The following CCDC60 variants were observed in gnomAD, a reference collection of about 807,000 sequenced individuals.
CCDC60 encodes coiled-coil domain-containing protein 60.
CCDC60 carries 54 observed loss-of-function variants against 63.5 expected under a neutral mutation model. That is an observed-to-expected ratio of 0.85 (90% CI 0.68 to 1.07). CCDC60 has a LOEUF of 1.07. CCDC60 is among the 50% of genes least tolerant of loss of function. The probability of loss-of-function intolerance (pLI) is 0.00; values close to 1 mark genes in which losing one functional copy is unlikely to be tolerated. For synonymous variants in CCDC60, 206 were observed against 238.8 expected (o/e 0.86, Z 1.27); for missense variants, 651 against 684.3 (o/e 0.95, Z 0.54).
chr12:119,361,917 G>A (rs1334835276), intron 1 of CCDC60, among the ~76,000 whole-genome samples: 1 of 152,180 alleles, frequency 6.6e-6, no homozygotes, highest in Non-Finnish European at 1.5e-5. Context: ...GTTTAATGAG[G>A]GGAGTGATCA....
intron 4 of CCDC60, among the ~76,000 whole-genome samples, chr12:119,483,343 G>A (rs1172680589): frequency 6.6e-6 from 1 of 152,252 alleles, no homozygotes; most frequent in Non-Finnish European, 1.5e-5. Flanking sequence ...CAGTCCCTGT[G>A]TGATCGATCC....
intron 2 of CCDC60, among the ~76,000 whole-genome samples, chr12:119,458,230 A>G (rs1459607923): frequency 2.6e-5 from 4 of 152,230 alleles, no homozygotes; most frequent in South Asian, 2.1e-4. Flanking sequence ...AAAATTTCCC[A>G]TGTAGGCAAT....
intron 1 of CCDC60, among the ~76,000 whole-genome samples, chr12:119,353,843 C>T (rs182305942): frequency 5.3e-4 from 81 of 152,150 alleles, no homozygotes; most frequent in Middle Eastern, 3.4e-3. Flanking sequence ...TATGCCAAGG[C>T]GAGTGGATCG....
intron 1 of CCDC60, among the ~76,000 whole-genome samples, chr12:119,379,221 A>G (rs1039735848): frequency 6.6e-6 from 1 of 152,276 alleles, no homozygotes; most frequent in Non-Finnish European, 1.5e-5. Flanking sequence ...AACCGTGTAT[A>G]AAATCACCCC....
At chr12:119,405,240 G>A (rs185938285) in intron 1 of CCDC60, among the ~76,000 whole-genome samples, 2 of 152,318 alleles carry the variant, frequency 1.3e-5, no homozygotes, top group East Asian at 1.9e-4. Context: ...GTTTCTCAGC[G>A]ACTTGATCCT....
At chr12:119,421,658 G>A (rs1956815361) in intron 1 of CCDC60, among the ~76,000 whole-genome samples, 1 of 152,162 alleles carries the variant, frequency 6.6e-6, no homozygotes, top group Non-Finnish European at 1.5e-5. Flanking sequence ...GATGGGGATT[G>A]GCATTAGTTC....
At position 119,528,650 on chromosome 12, in the gene CCDC60, C is replaced by A; in HGVS notation, c.1265C>A (p.Ala422Asp). Residue 422 changes from alanine to aspartate, a missense_variant, in exon 12 of 14, where the codon GCT (alanine) becomes GAT (aspartate). Coordinates refer to ENST00000327554, the MANE Select transcript of CCDC60 (RefSeq NM_178499.5). Reference protein sequence around the residue: ...QEERGIQKFRAFVLVSNFQKD... With the variant: ...QEERGIQKFRDFVLVSNFQKD... ...GAGAGAGGTATCCAGAAGTTCCGTG[C>A]TTTTGTCCTTGTCTCAAATTTTCAA... 6.2e-7 allele frequency: 1 copy of A among 1,613,978 alleles called. No individual in the cohort carries two copies. Among genetic ancestry groups the A allele is most frequent in the Non-Finnish European group, 8.5e-7 (1 of 1,179,912 alleles).
intron 1 of CCDC60, among the ~76,000 whole-genome samples, chr12:119,342,120 G>A (rs1041137821): frequency 1.3e-4 from 20 of 152,164 alleles, no homozygotes; most frequent in Admixed American, 2.6e-4. Context: ...GCATTGGCTC[G>A]AGAGCTCACT....
At chr12:119,386,043 T>A (rs1454072260) in intron 1 of CCDC60, among the ~76,000 whole-genome samples, 3 of 152,230 alleles carry the variant, frequency 2.0e-5, no homozygotes, top group Non-Finnish European at 4.4e-5. Flanking sequence ...CCTAGAAGAA[T>A]TTCCAGCACA....
At chr12:119,353,120 C>T (rs1017346998) in intron 1 of CCDC60, among the ~76,000 whole-genome samples, 1 of 151,652 alleles carries the variant, frequency 6.6e-6, no homozygotes, top group African/African-American at 2.4e-5. Context: ...GCAGCTGTCT[C>T]AGGGTCACTC....
chr12:119,408,663 A>G (rs2136192462), intron 1 of CCDC60, among the ~76,000 whole-genome samples: 1 of 152,218 alleles, frequency 6.6e-6, no homozygotes, highest in Admixed American at 6.5e-5. Flanking sequence ...CTCTACTAAA[A>G]AAAATACAAA....
chr12:119,417,689 T>C (rs1201490844), intron 1 of CCDC60, among the ~76,000 whole-genome samples: 1 of 152,172 alleles, frequency 6.6e-6, no homozygotes, highest in Non-Finnish European at 1.5e-5. Context: ...GAAGAGGTAC[T>C]GACATAGCCA....
chr12:119,365,869 A>G (rs1955835404), intron 1 of CCDC60, among the ~76,000 whole-genome samples: 1 of 152,232 alleles, frequency 6.6e-6, no homozygotes, highest in Admixed American at 6.5e-5. Context: ...TATGGAGATC[A>G]GGACAGTTTC....
chr12:119,443,451 A>G (rs1455842627), intron 2 of CCDC60, among the ~76,000 whole-genome samples: 1 of 152,232 alleles, frequency 6.6e-6, no homozygotes, highest in East Asian at 1.9e-4. Flanking sequence ...GAACACCTGT[A>G]TAGTTCTCAG....
chr12:119,474,165 C>T (rs900022007), intron 3 of CCDC60, among the ~76,000 whole-genome samples: 9 of 152,148 alleles, frequency 5.9e-5, no homozygotes, highest in African/African-American at 1.4e-4. Flanking sequence ...CTGCAAAGAA[C>T]GGCCATAATA....
chr12:119,392,844 G>A lies in CCDC60; in HGVS notation c.91-35839G>A, dbSNP rs1046699897. Among the ~76,000 whole-genome samples, 6 of 152,124 alleles carry A rather than the reference G, an allele frequency of 3.9e-5. No homozygotes were observed. The South Asian group carries it at 1.2e-3, about 32-fold the overall frequency. On this transcript the variant is annotated intron_variant, in intron 1 of 13. Coordinates refer to ENST00000327554, the MANE Select transcript of CCDC60 (RefSeq NM_178499.5). ...TCCTGACCCTGGGTCTCGTGTTTGT[G>A]AGGTGCAAGTACTATATAACAGTTT...
intron 2 of CCDC60, chr12:119,433,420 A>G (rs1445643744): frequency 5.7e-6 from 4 of 702,178 alleles, no homozygotes; most frequent in Non-Finnish European, 1.0e-5. Context: ...GAGAATGGGG[A>G]AAAGGCCAAA....
At chr12:119,335,507 G>T (rs2136136587) in intron 1 of CCDC60, among the ~76,000 whole-genome samples, 1 of 150,554 alleles carries the variant, frequency 6.6e-6, no homozygotes, top group Non-Finnish European at 1.5e-5. Context: ...GGTGTGAGAT[G>T]GTATCTCATT....
At chr12:119,395,659 T>G (rs976784490) in intron 1 of CCDC60, among the ~76,000 whole-genome samples, 2 of 152,192 alleles carry the variant, frequency 1.3e-5, no homozygotes, top group Non-Finnish European at 2.9e-5. Flanking sequence ...TGAGTTTCAC[T>G]CTATAGAAAG....
Sources: gnomAD v4.1 joint callset for allele counts (sites outside exome capture counted in the v4.1 genomes callset) on GRCh38, gnomAD v4.1.1 for gene constraint, MANE v1.5 for transcripts, NCBI Gene and HGNC (gene_info 2026-07-23, HGNC 2026-07-21) for gene names.